The following CPNE9 variants were observed in gnomAD, a reference collection of about 807,000 sequenced individuals.
CPNE9 encodes copine-9.
A neutral mutation model predicts 83.0 loss-of-function variants in CPNE9; 59 were observed. The ratio of observed to expected loss-of-function variants is 0.71; its 90% CI spans 0.58 to 0.88. The LOEUF (loss-of-function observed/expected upper bound fraction) is 0.88. Ranked by LOEUF, CPNE9 falls within the 40% of genes least tolerant of loss-of-function variation. The pLI, the probability that CPNE9 is intolerant of heterozygous loss-of-function variation, is 0.00. For synonymous variants in CPNE9, 256 were observed against 273.4 expected (o/e 0.94, Z 0.63); for missense variants, 619 against 720.8 (o/e 0.86, Z 1.62).
rs1388542959 is a variant in CPNE9 at position 9,729,777 on chromosome 3, G to T, written c.*85G>T. The T allele has an allele frequency of 5.4e-6, 8 of 1,479,164 alleles. No homozygotes were observed. In the African/African-American group the frequency reaches 5.6e-5, roughly 10 times the overall value. The allele number at this position is 1,479,164 out of a possible 1,614,324, so 91.6% of individuals were successfully genotyped here. A position where few individuals can be genotyped will look rare whatever the true frequency, so the allele number is the denominator to read the frequency against. On this transcript the variant is annotated 3_prime_UTR_variant, in exon 21 of 21. Coordinates refer to ENST00000383832, the MANE Select transcript of CPNE9 (RefSeq NM_153635.3). ...TAAGCCAGAGGCACCTGGAACCCTGGACTTCACTGGGAGGGCCAACTTGGA... is the reference window on the plus strand; with the variant it reads ...TAAGCCAGAGGCACCTGGAACCCTGTACTTCACTGGGAGGGCCAACTTGGA...
intron 20 of CPNE9, among the ~76,000 whole-genome samples, chr3:9,728,399 G>A (rs566299970): frequency 3.3e-4 from 50 of 152,230 alleles, no homozygotes; most frequent in Non-Finnish European, 5.4e-4. Context: ...TGAGGCGGGC[G>A]GATTGCCTGA....
intron 17 of CPNE9, among the ~76,000 whole-genome samples, chr3:9,725,367 T>A (rs372878474): frequency 5.9e-5 from 9 of 151,948 alleles, no homozygotes; most frequent in East Asian, 3.9e-4. Flanking sequence ...AAACCTCATC[T>A]CTACTAAAAA....
intron 7 of CPNE9, among the ~76,000 whole-genome samples, chr3:9,709,763 G>T (rs1237814746): frequency 5.3e-5 from 8 of 151,752 alleles, no homozygotes; most frequent in African/African-American, 1.7e-4. Flanking sequence ...GTGGAGGCAG[G>T]TGTATCACCT....
rs199752870 is a variant in CPNE9 at position 9,715,272 on chromosome 3, C to T, written c.693-17C>T. ...ACCAGCAGCACCTGCTGCTTAGCCA[C>T]GCCCACCTCATTGCAGCCACGATTT... On this transcript the variant is annotated splice_polypyrimidine_tract_variant and intron_variant, in intron 11 of 20. Coordinates refer to ENST00000383832, the MANE Select transcript of CPNE9 (RefSeq NM_153635.3). 29 of 1,613,752 alleles carry T rather than the reference C, an allele frequency of 1.8e-5. No homozygotes were observed. In the African/African-American group the frequency reaches 2.3e-4, roughly 13 times the overall value.
At chr3:9,707,728 G>A (rs901737269) in intron 7 of CPNE9, among the ~76,000 whole-genome samples, 1 of 146,614 alleles carries the variant, frequency 6.8e-6, no homozygotes, top group Non-Finnish European at 1.5e-5. Flanking sequence ...AAACTCCTGG[G>A]CTCAAGCCTG....
chr3:9,721,979 C>T (rs982617919), intron 17 of CPNE9, among the ~76,000 whole-genome samples: 2 of 151,148 alleles, frequency 1.3e-5, no homozygotes, highest in African/African-American at 4.9e-5. Context: ...AGTGCAGTGG[C>T]ACGATCTCAG....
chr3:9,725,582 A>G (rs974120155), intron 17 of CPNE9, among the ~76,000 whole-genome samples: 19 of 148,894 alleles, frequency 1.3e-4, no homozygotes, highest in Admixed American at 2.0e-4. Flanking sequence ...ATATATATAT[A>G]TGTGTATATA....
At chr3:9,717,330 G>T (rs2076692946) in intron 15 of CPNE9, among the ~76,000 whole-genome samples, 1 of 152,190 alleles carries the variant, frequency 6.6e-6, no homozygotes. Context: ...TAGGCTGATG[G>T]ATGAGAGAGA....
chr3:9,728,791 C>T (rs537061017), intron 20 of CPNE9, among the ~76,000 whole-genome samples: 2 of 151,760 alleles, frequency 1.3e-5, no homozygotes, highest in Non-Finnish European at 2.9e-5. Context: ...CCCTAAGTCC[C>T]TCTCCTAGGC....
chr3:9,726,196 T>C (rs2076783414), intron 18 of CPNE9, 145 bp downstream of exon 18: 1 of 557,588 alleles, frequency 1.8e-6, no homozygotes, highest in Non-Finnish European at 3.2e-6. Context: ...GGATTAGAGA[T>C]AGAGGACTTT....
rs2076708391 is a variant in CPNE9, at chr3:9,718,744, T to TA, written c.1241+144dup. ...GGCCAGGCATGGTGGCTCATACCTG[T>TA]AATCCCAACACTTTGGGAGACTGAG... On this transcript the variant is annotated intron_variant, in intron 17 of 20. Coordinates refer to ENST00000383832, the MANE Select transcript of CPNE9 (RefSeq NM_153635.3). 4.1e-6 allele frequency: 4 copies of TA among 977,270 alleles called. 1 individual carries two copies. Among genetic ancestry groups the TA allele is most frequent in the South Asian group, 1.8e-5 (1 of 55,664 alleles). 60.5% of individuals were successfully genotyped at this position (977,270 alleles called of 1,614,324 possible).
intron 5 of CPNE9, 73 bp downstream of exon 5, chr3:9,705,573 C>T: frequency 6.4e-7 from 1 of 1,570,304 alleles, no homozygotes; most frequent in Non-Finnish European, 8.8e-7. Flanking sequence ...ACTCTCAGAA[C>T]TCCTCCCAAC....
rs2076543470 is a variant in CPNE9, at chr3:9,704,793, G to C, written c.154G>C (p.Glu52Gln). Reference sequence around the variant, plus strand: ...GAGCCGGGCCAGCCAGGAGTGGCGGGAGGTGAGTCCCAGAGCCCCCTCCCG... The same window carrying C: ...GAGCCGGGCCAGCCAGGAGTGGCGGCAGGTGAGTCCCAGAGCCCCCTCCCG... ...TQSRASQEWR[E>Q]FGRTEVIDNT... The change falls in exon 3 of 21, where the codon GAG becomes CAG. Residue 52 changes from glutamate to glutamine, a missense_variant and splice_region_variant. Glu to Gln is a conservative substitution (Grantham distance 29). This residue lies in a region of CPNE9 where 130 missense variants were observed against 117.5 expected (regional missense o/e 1.11). Transcript: ENST00000383832. This position sits in a 1 kb window ranked among gnomAD's most constrained non-coding sequence, Gnocchi z 7.1. 1 of 1,608,510 alleles carries C rather than the reference G, an allele frequency of 6.2e-7. No homozygotes were observed. Among genetic ancestry groups the C allele is most frequent in the Admixed American group, 1.7e-5 (1 of 59,402 alleles).
At chr3:9,712,517 C>A (rs758578684) in intron 7 of CPNE9, 24 bp from the exon 8 acceptor site, 4 of 1,607,434 alleles carry the variant, frequency 2.5e-6, no homozygotes, top group East Asian at 4.5e-5. Flanking sequence ...CCTCCTCTCA[C>A]TAAGAGGCTT....
intron 10 of CPNE9, among the ~76,000 whole-genome samples, chr3:9,714,007 A>G (rs1427579044): frequency 3.3e-5 from 5 of 152,094 alleles, no homozygotes; most frequent in Admixed American, 6.6e-5. Context: ...TGGGAAGTGG[A>G]GCTTACAGTG....
intron 17 of CPNE9, among the ~76,000 whole-genome samples, chr3:9,723,483 GA>G: frequency 6.6e-6 from 1 of 151,444 alleles, no homozygotes; most frequent in Non-Finnish European, 1.5e-5. Flanking sequence ...AAAAAAAAAA[GA>G]AAAAAACCAG....
At chr3:9,705,380 T>A in intron 4 of CPNE9, 84 bp from the exon 5 acceptor site, 1 of 1,153,726 alleles carries the variant, frequency 8.7e-7, no homozygotes, top group Non-Finnish European at 1.2e-6. Context: ...CCACCCAAAA[T>A]TTTCACCAAG....
In CPNE9 at chr3:9,716,996, G is replaced by A. The variant is rs2076689686; in HGVS notation, c.885-62G>A. 12 of 1,533,176 alleles carry A rather than the reference G, an allele frequency of 7.8e-6. No individual in the cohort carries two copies. In the East Asian group the frequency reaches 2.7e-4, roughly 34 times the overall value. The allele number at this position is 1,533,176 out of a possible 1,614,324, so 95.0% of individuals were successfully genotyped here. On this transcript the variant is annotated intron_variant, in intron 14 of 20. Coordinates refer to ENST00000383832, the MANE Select transcript of CPNE9 (RefSeq NM_153635.3). ...GTGATCCATATGCACATTACTGTTT[G>A]AGAAATAGTGATGTAATAATCATTA...
intron 20 of CPNE9, among the ~76,000 whole-genome samples, chr3:9,729,088 G>A (rs1318401342): frequency 6.6e-6 from 1 of 152,046 alleles, no homozygotes; most frequent in Non-Finnish European, 1.5e-5. Context: ...GGTGGTGGGA[G>A]GGGGGAGCTT....
Sources: gnomAD v4.1 joint callset for allele counts (sites outside exome capture counted in the v4.1 genomes callset) on GRCh38, gnomAD v4.1.1 for gene constraint, gnomAD v4.1.1 regional missense constraint, Gnocchi (gnomAD v3.1) non-coding constraint, MANE v1.5 for transcripts, NCBI Gene and HGNC (gene_info 2026-07-23, HGNC 2026-07-21) for gene names.